PCDH7: variants seen among roughly 807,000 people sequenced by gnomAD.
PCDH7 encodes protocadherin 7, also known as protocadherin-7.
Under a neutral mutation model 58.9 loss-of-function variants are expected in PCDH7, and 17 were observed. The observed-to-expected ratio is 0.29, with a 90% CI of 0.20 to 0.43. The LOEUF is 0.43. Among genes scored for constraint, PCDH7 ranks in the 20% least tolerant of loss-of-function variants. The pLI, the probability that PCDH7 is intolerant of heterozygous loss-of-function variation, is 1.00. For synonymous variants in PCDH7, 664 were observed against 616.4 expected, an observed-to-expected ratio of 1.08 and a Z score of -1.14; for missense variants, 1,274 against 1,441.0, an observed-to-expected ratio of 0.88 and a Z score of 1.88.
At chr4:31,002,808 T>A (rs921340243) in intron 3 of PCDH7, among the ~76,000 whole-genome samples, 1 of 152,200 alleles carries the variant, frequency 6.6e-6, no homozygotes, top group Non-Finnish European at 1.5e-5. Flanking sequence ...CCAAATATTT[T>A]GACATGTGCA....
intron 2 of PCDH7, among the ~76,000 whole-genome samples, chr4:30,937,196 A>G (rs1263734718): frequency 1.3e-5 from 2 of 152,080 alleles, no homozygotes; most frequent in Non-Finnish European, 2.9e-5. Context: ...AATACTTCTA[A>G]TATTCTCAGT....
chr4:30,916,812 T>C (rs1282854585), intron 1 of PCDH7, among the ~76,000 whole-genome samples: 1 of 152,210 alleles, frequency 6.6e-6, no homozygotes, highest in Non-Finnish European at 1.5e-5. Context: ...TTCTCATTCC[T>C]TTCTGTGCCT....
At chr4:30,767,687 CT>C (rs1720928936) in intron 1 of PCDH7, among the ~76,000 whole-genome samples, 1 of 152,158 alleles carries the variant, frequency 6.6e-6, no homozygotes, top group African/African-American at 2.4e-5. Flanking sequence ...CCCAGAGGTA[CT>C]GAGTGGAAAA....
In PCDH7 at chr4:30,721,201, G is replaced by A. The variant is rs953891954; in HGVS notation, c.-222G>A. 80 of 537,014 alleles carry A rather than the reference G, an allele frequency of 1.5e-4. 2 individuals are homozygous for A. The highest frequency in any genetic ancestry group is 1.2e-3 in the African/African-American group (59 of 51,084). 33.3% of individuals were successfully genotyped at this position (537,014 alleles called of 1,614,324 possible). A position where few individuals can be genotyped will look rare whatever the true frequency, so the allele number is the denominator to read the frequency against. On this transcript the variant is annotated 5_prime_UTR_variant, in exon 1 of 2. Coordinates refer to ENST00000361762, the Ensembl canonical transcript of PCDH7. The surrounding 1 kb of genome is among the most constrained non-coding windows in gnomAD (Gnocchi z 6.7). ...ATGAATTATGAAACAATAACTTTCG[G>A]AAGAAGCAGGAGGAAAAAAAGAAGC...
At chr4:30,771,741 T>A in intron 1 of PCDH7, among the ~76,000 whole-genome samples, 1 of 152,206 alleles carries the variant, frequency 6.6e-6, no homozygotes, top group Non-Finnish European at 1.5e-5. Context: ...TAGGAAATTA[T>A]CCTCGGTTAT....
intron 1 of PCDH7, among the ~76,000 whole-genome samples, chr4:30,743,306 C>T (rs568741364): frequency 3.9e-5 from 6 of 151,936 alleles, no homozygotes; most frequent in African/African-American, 9.7e-5. Context: ...TATCACTCTG[C>T]GCAAAAGCTG....
intron 3 of PCDH7, among the ~76,000 whole-genome samples, chr4:31,115,728 T>A (rs1008038121): frequency 2.0e-5 from 3 of 152,220 alleles, no homozygotes; most frequent in African/African-American, 7.2e-5. Context: ...TAGTCATGGA[T>A]AGGAGGAAGC....
chr4:30,876,925 GC>G, intron 1 of PCDH7, among the ~76,000 whole-genome samples: 1 of 152,008 alleles, frequency 6.6e-6, no homozygotes, highest in Admixed American at 6.6e-5. Context: ...TCCCAGACAG[GC>G]CCCGGTGTGT....
intron 1 of PCDH7, among the ~76,000 whole-genome samples, chr4:30,758,734 A>T (rs1719639454): frequency 6.6e-6 from 1 of 152,190 alleles, no homozygotes; most frequent in Admixed American, 6.5e-5. Flanking sequence ...ATTGCACTAA[A>T]TTAACTACAT....
At chr4:30,914,050 G>A (rs1294624772) in intron 1 of PCDH7, among the ~76,000 whole-genome samples, 4 of 152,102 alleles carry the variant, frequency 2.6e-5, no homozygotes, top group Admixed American at 2.6e-4. Context: ...ACCATGTTCA[G>A]GCCTCCCAAC....
rs138165284 is a variant in PCDH7 at position 30,724,316 on chromosome 4, A to G, written c.2894A>G (p.Asp965Gly). 3 of 1,613,994 alleles carry G rather than the reference A, an allele frequency of 1.9e-6. No individual in the cohort carries two copies. In the African/African-American group the frequency reaches 4.0e-5, roughly 22 times the overall value. ...TCTAAGCCAAATGGACAGAGGTATGATAGTGTCAATGAGAAGCTGTCAGAC... is the reference window on the plus strand; with the variant it reads ...TCTAAGCCAAATGGACAGAGGTATGGTAGTGTCAATGAGAAGCTGTCAGAC... The change falls in exon 1 of 2, where the codon GAT (aspartate) becomes GGT (glycine). Residue 965 changes from aspartate (D) to glycine (G), a missense_variant. Asp to Gly is a moderately conservative substitution (Grantham distance 94). Coordinates refer to ENST00000361762, the Ensembl canonical transcript of PCDH7.
At chr4:30,852,097 G>A (rs146541390) in intron 1 of PCDH7, among the ~76,000 whole-genome samples, 11 of 152,126 alleles carry the variant, frequency 7.2e-5, no homozygotes, top group African/African-American at 2.2e-4. Context: ...CCTAAAAACA[G>A]TATTTTCTTA....
intron 1 of PCDH7, among the ~76,000 whole-genome samples, chr4:30,848,393 A>G (rs1335012360): frequency 5.3e-5 from 8 of 152,140 alleles, no homozygotes; most frequent in Non-Finnish European, 5.9e-5. Context: ...TGTATTTACC[A>G]CAGTGCTGGC....
chr4:31,139,532 AG>A (rs1199395878), intron 3 of PCDH7, among the ~76,000 whole-genome samples: 21 of 152,222 alleles, frequency 1.4e-4, no homozygotes, highest in African/African-American at 5.1e-4. Context: ...TTTTATGGAA[AG>A]AAGAAATAAT....
At chr4:30,773,048 T>C (rs1442594467) in intron 1 of PCDH7, among the ~76,000 whole-genome samples, 1 of 152,138 alleles carries the variant, frequency 6.6e-6, no homozygotes, top group Non-Finnish European at 1.5e-5. Context: ...ACTACAGGCA[T>C]GTGCCACCAC....
intron 3 of PCDH7, among the ~76,000 whole-genome samples, chr4:30,964,905 A>T (rs1748863011): frequency 6.6e-6 from 1 of 152,008 alleles, no homozygotes; most frequent in South Asian, 2.1e-4. Flanking sequence ...ATTGACTAAG[A>T]TTTTCTTTTA....
chr4:31,072,469 GACA>G (rs1329369495), intron 3 of PCDH7, among the ~76,000 whole-genome samples: 1 of 152,024 alleles, frequency 6.6e-6, no homozygotes, highest in Non-Finnish European at 1.5e-5. Flanking sequence ...AGGAGGCATT[GACA>G]ATGTGAGCAT....
intron 1 of PCDH7, among the ~76,000 whole-genome samples, chr4:30,807,581 A>G (rs1726395100): frequency 6.6e-6 from 1 of 152,166 alleles, no homozygotes; most frequent in Admixed American, 6.5e-5. Flanking sequence ...AAATAATGTT[A>G]TGTTTGCAAT....
intron 3 of PCDH7, among the ~76,000 whole-genome samples, chr4:31,085,977 G>T (rs1053720271): frequency 6.6e-6 from 1 of 151,594 alleles, no homozygotes; most frequent in Non-Finnish European, 1.5e-5. Flanking sequence ...TTTAAAGAAT[G>T]CCAGGAAGTA....
Sources: gnomAD v4.1 joint callset for allele counts (sites outside exome capture counted in the v4.1 genomes callset) on GRCh38, gnomAD v4.1.1 for gene constraint, Gnocchi (gnomAD v3.1) non-coding constraint, MANE v1.5 for transcripts, NCBI Gene and HGNC (gene_info 2026-07-23, HGNC 2026-07-21) for gene names.